NUP62: variants seen among roughly 807,000 people sequenced by gnomAD.
NUP62 encodes nucleoporin 62.
For synonymous variants in NUP62, 305 were observed against 303.4 expected (o/e 1.01, Z -0.05); for missense variants, 647 against 689.4 (o/e 0.94, Z 0.69).
chr19:49,917,584 T>C (rs1187391187), intron 2 of NUP62: 1 of 152,188 alleles, frequency 6.6e-6, no homozygotes, highest in Non-Finnish European at 1.5e-5. Flanking sequence ...GGTCAGGGTC[T>C]GGGTTATGTT....
rs532743748 is a variant in NUP62 at position 49,919,602 on chromosome 19, T to G, written c.-78+8092A>C. On this transcript the variant is annotated intron_variant, in intron 2 of 2. Coordinates refer to ENST00000352066, the MANE Select transcript of NUP62 (RefSeq NM_016553.5). Reference sequence around the variant, plus strand: ...TTCAACCTTCTCTCCTGCTTTCCCCTGAAGTCACCTGACGGCTAATTAGCA... The same window carrying G: ...TTCAACCTTCTCTCCTGCTTTCCCCGGAAGTCACCTGACGGCTAATTAGCA... 2.0e-5 allele frequency among the ~76,000 whole-genome samples: 3 copies of G among 152,284 alleles called. No homozygotes were observed. The East Asian group carries it at 5.8e-4, about 29-fold the overall frequency.
chr19:49,909,306 G>A lies in NUP62; in HGVS notation c.502C>T (p.Pro168Ser), dbSNP rs1408455811. The A allele has an allele frequency of 1.2e-6, 2 of 1,614,086 alleles. No individual in the cohort carries two copies. Among genetic ancestry groups the A allele is most frequent in the African/African-American group, 1.3e-5 (1 of 75,028 alleles). Reference sequence around the variant, plus strand: ...GCTGAGCCAATGTTGAAACCGGAGGGTTGGGCCGTGCTTCCACCAGTGAAT... The same window carrying A: ...GCTGAGCCAATGTTGAAACCGGAGGATTGGGCCGTGCTTCCACCAGTGAAT... The part of the protein sequence containing the change: ...FSFTGGSTAQ[P>S]SGFNIGSAGN... The change falls in exon 3 of 3, where the codon CCC becomes TCC. Residue 168 changes from proline (P) to serine (S), a missense_variant. Physicochemically the swap from Pro to Ser is moderately conservative, Grantham distance 74. Coordinates refer to ENST00000352066, the MANE Select transcript of NUP62 (RefSeq NM_016553.5).
chr19:49,918,605 C>T (rs1264794802), intron 2 of NUP62: 3 of 152,286 alleles, frequency 2.0e-5, no homozygotes, highest in Middle Eastern at 3.4e-3. Flanking sequence ...CAGGCATAAC[C>T]GACTTGCATT....
chr19:49,922,529 G>A (rs897146692), intron 2 of NUP62, among the ~76,000 whole-genome samples: 5 of 151,814 alleles, frequency 3.3e-5, no homozygotes, highest in African/African-American at 9.7e-5. Flanking sequence ...CTCAATCCTC[G>A]GAGACTCTTG....
chr19:49,924,541 AAG>A (rs2075839229), intron 2 of NUP62, among the ~76,000 whole-genome samples: 1 of 152,136 alleles, frequency 6.6e-6, no homozygotes. Flanking sequence ...CGCACCGAAA[AAG>A]AGTCCCCAGT....
At position 49,908,464 on chromosome 19, in the gene NUP62, G is replaced by C. The variant is rs1600496008; in HGVS notation, c.1344C>G (p.Ala448=). The C allele has an allele frequency of 6.2e-7, 1 of 1,614,152 alleles. No individual in the cohort carries two copies. Among genetic ancestry groups the C allele is most frequent in the Non-Finnish European group, 8.5e-7 (1 of 1,180,046 alleles). Residue 448 remains alanine, a synonymous_variant, in exon 3 of 3, where the codon GCC becomes GCG. Coordinates refer to ENST00000352066, the MANE Select transcript of NUP62 (RefSeq NM_016553.5). ...ENIDAQLKRM[A]QDLKDIIEHL... ...GCTCGATGATGTCCTTGAGATCCTG[G>C]GCCATGCGCTTGAGCTGTGCATCGA... is the stretch of plus-strand genomic sequence containing the variant.
intron 2 of NUP62, among the ~76,000 whole-genome samples, 168 bp from the exon 3 acceptor site, chr19:49,910,052 C>T (rs1568702897): frequency 6.6e-6 from 1 of 152,090 alleles, no homozygotes; most frequent in Non-Finnish European, 1.5e-5. Flanking sequence ...CACAAAAGCA[C>T]GCCCCAGGGG....
In NUP62 at chr19:49,907,537, CTTTT is replaced by C. The variant is rs4009637; in HGVS notation, c.*698_*701del. 9.5e-3 allele frequency: 3,096 copies of C among 325,388 alleles called. No individual in the cohort carries two copies. The highest frequency in any genetic ancestry group is 0.016 in the East Asian group (189 of 11,498). 20.2% of individuals were successfully genotyped at this position (325,388 alleles called of 1,614,324 possible). On this transcript the variant is annotated 3_prime_UTR_variant, in exon 3 of 3. Transcript: ENST00000352066. ...CTAGGCTGCTGTCTCCTGGGAGTTT[CTTTT>C]TTTTTTTTTTTTTTTTTGAGACAGA...
At chr19:49,922,528 C>T (rs150306305) in intron 2 of NUP62, among the ~76,000 whole-genome samples, 38 of 152,010 alleles carry the variant, frequency 2.5e-4, no homozygotes, top group Admixed American at 9.2e-4. Flanking sequence ...CCTCAATCCT[C>T]GGAGACTCTT....
At chr19:49,918,408 C>T (rs1152238) in intron 2 of NUP62, 123,321 of 152,028 alleles carry the variant, frequency 0.81, 50,331 homozygotes, top group East Asian at 0.96. Context: ...GAAGAGCTCC[C>T]CTCTCCCACC....
chr19:49,907,942 C>A lies in NUP62; in HGVS notation c.*297G>T. The A allele has an allele frequency of 1.9e-6, 1 of 523,190 alleles. No homozygotes were observed. The highest frequency in any genetic ancestry group is 3.4e-6 in the Non-Finnish European group (1 of 295,824). The allele number at this position is 523,190 out of a possible 1,614,324, so 32.4% of individuals were successfully genotyped here. On this transcript the variant is annotated 3_prime_UTR_variant, in exon 3 of 3. Coordinates refer to ENST00000352066, the MANE Select transcript of NUP62 (RefSeq NM_016553.5). ...GCTGGGACCAAGACCATCAGCACTT[C>A]TCCATCACCAGGCTGAGCCAGGATG...
In NUP62 at chr19:49,909,206, CCTGCTGTGGTGG is replaced by C; in HGVS notation, c.590_601del (p.Ala197_Ala200del). 6.2e-7 allele frequency: 1 copy of C among 1,614,088 alleles called. No individual in the cohort carries two copies. The highest frequency in any genetic ancestry group is 8.5e-7 in the Non-Finnish European group (1 of 1,180,022). On this transcript the variant is annotated inframe_deletion, in exon 3 of 3. Coordinates refer to ENST00000352066, the MANE Select transcript of NUP62 (RefSeq NM_016553.5). ...TGTGGGAGCAGCTGGCTGTGTGGCA[CCTGCTGTGGTGG>C]CTGCTGGCGTGGCCGGAGTGAAGGG...
chr19:49,922,432 C>CAGAAA (rs1318964830), intron 2 of NUP62, among the ~76,000 whole-genome samples: 103 of 152,216 alleles, frequency 6.8e-4, no homozygotes, highest in Admixed American at 6.1e-3. Flanking sequence ...ACACTGTCCT[C>CAGAAA]CCCTCCTTCA....
chr19:49,908,436 G>C lies in NUP62; in HGVS notation c.1372C>G (p.Leu458Val). 6.2e-7 allele frequency: 1 copy of C among 1,614,146 alleles called. No homozygotes were observed. The highest frequency in any genetic ancestry group is 8.5e-7 in the Non-Finnish European group (1 of 1,180,044). Residue 458 changes from leucine (L) to valine (V), a missense_variant, in exon 3 of 3, where the codon CTG becomes GTG. Transcript: ENST00000352066. ...TCGGCGGGGGCCCCGGACGTGTTCA[G>C]GTGCTCGATGATGTCCTTGAGATCC... Reference protein sequence around the residue: ...AQDLKDIIEHLNTSGAPADTS... With the variant: ...AQDLKDIIEHVNTSGAPADTS...
At position 49,909,222 on chromosome 19, in the gene NUP62, C is replaced by T. The variant is rs2075398303; in HGVS notation, c.586G>A (p.Ala196Thr). The T allele has an allele frequency of 3.1e-6, 5 of 1,614,064 alleles. No homozygotes were observed. The highest frequency in any genetic ancestry group is 4.2e-6 in the Non-Finnish European group (5 of 1,179,968). The change falls in exon 3 of 3, where the codon GCA (alanine) becomes ACA (threonine). Residue 196 changes from alanine to threonine, a missense_variant. Ala to Thr is a moderately conservative substitution (Grantham distance 58). Transcript: ENST00000352066. ...TGTGTGGCACCTGCTGTGGTGGCTG[C>T]TGGCGTGGCCGGAGTGAAGGGCAAC... is the stretch of plus-strand genomic sequence containing the variant. ...ATLPFTPATP[A>T]ATTAGATQPA...
At chr19:49,918,916 TGGGGGGGC>T (rs2075696331) in intron 2 of NUP62, among the ~76,000 whole-genome samples, 1 of 25,194 alleles carries the variant, frequency 4.0e-5, no homozygotes, top group Admixed American at 4.3e-4. Flanking sequence ...GGGCGGGGTG[TGGGGGGGC>T]GGATCACCTG....
At chr19:49,916,250 G>C (rs1453008833) in intron 2 of NUP62, among the ~76,000 whole-genome samples, 2 of 152,130 alleles carry the variant, frequency 1.3e-5, no homozygotes, top group Non-Finnish European at 2.9e-5. Flanking sequence ...GGCCAAGTGT[G>C]GTGGCTCACA....
rs145084636 is a variant in NUP62 at position 49,909,616 on chromosome 19, G to A, written c.192C>T (p.Thr64=). The A allele has an allele frequency of 3.8e-3, 6,184 of 1,613,390 alleles. 15 individuals are homozygous for A. The highest frequency in any genetic ancestry group is 4.9e-3 in the Non-Finnish European group (5,824 of 1,179,364). Reference sequence around the variant, plus strand: ...CTGTCGTCTGTGTGGCCGGAGTCTGGGTGGCAAGTGAGAACAGGCCGGTGG... The same window carrying A: ...CTGTCGTCTGTGTGGCCGGAGTCTGAGTGGCAAGTGAGAACAGGCCGGTGG... ...TPSTGLFSLA[T]QTPATQTTGF... The change falls in exon 3 of 3, where the codon ACC becomes ACT. Residue 64 remains threonine, a synonymous_variant. Transcript: ENST00000352066.
intron 2 of NUP62, among the ~76,000 whole-genome samples, chr19:49,924,776 C>G (rs1457757173): frequency 6.6e-6 from 1 of 152,206 alleles, no homozygotes; most frequent in Non-Finnish European, 1.5e-5. Flanking sequence ...AGGGTGCCAA[C>G]TGGCACCCAC....
Sources: allele counts gnomAD v4.1 joint callset (sites outside exome capture counted in the v4.1 genomes callset), GRCh38; gene constraint gnomAD v4.1.1; transcripts MANE v1.5; gene names NCBI Gene and HGNC (gene_info 2026-07-23, HGNC 2026-07-21).